Variants in PPFIA2 observed in about 807,000 individuals in gnomAD.
PPFIA2 encodes PPFI scaffold protein A2, also known as liprin-alpha-2.
A neutral mutation model predicts 175.5 loss-of-function variants in PPFIA2; 46 were observed. That is an observed-to-expected ratio of 0.26 (90% CI 0.21 to 0.34). The LOEUF (loss-of-function observed/expected upper bound fraction) is 0.34, where lower values mean the gene tolerates loss of function less well. Ranked by LOEUF, PPFIA2 falls within the 10% of genes least tolerant of loss-of-function variation. PPFIA2 has a pLI of 1.00. For missense variants in PPFIA2, 1,179 were observed against 1,506.1 expected (o/e 0.78, Z 3.60); for synonymous variants, 568 against 511.4 (o/e 1.11, Z -1.49).
chr12:81,707,964 T>G (rs184136351), intron 3 of PPFIA2, among the ~76,000 whole-genome samples: 1 of 143,334 alleles, frequency 7.0e-6, no homozygotes, highest in Non-Finnish European at 1.5e-5. Context: ...TAGGTGGGAA[T>G]TGAACAATGA....
At chr12:81,521,958 G>C (rs2063208543) in intron 4 of PPFIA2, among the ~76,000 whole-genome samples, 4 of 151,830 alleles carry the variant, frequency 2.6e-5, no homozygotes, top group African/African-American at 9.7e-5. Context: ...ATTAATTTTT[G>C]CAATTGTTCT....
intron 4 of PPFIA2, among the ~76,000 whole-genome samples, chr12:81,462,159 A>G (rs975266762): frequency 6.7e-6 from 1 of 150,216 alleles, no homozygotes; most frequent in African/African-American, 2.4e-5. Flanking sequence ...AACAGATATA[A>G]TATTCTTTTT....
At chr12:81,296,159 A>C (rs1239093850) in intron 23 of PPFIA2, among the ~76,000 whole-genome samples, 2 of 151,814 alleles carry the variant, frequency 1.3e-5, no homozygotes, top group East Asian at 1.9e-4. Context: ...TAAAACAAAC[A>C]AACAAAAAAA....
chr12:81,374,427 G>T (rs1196504156), intron 11 of PPFIA2, among the ~76,000 whole-genome samples: 1 of 152,030 alleles, frequency 6.6e-6, no homozygotes, highest in Non-Finnish European at 1.5e-5. Context: ...GTTTAAATAG[G>T]CAGGGGGATC....
At chr12:81,530,626 C>T (rs1050954454) in intron 4 of PPFIA2, among the ~76,000 whole-genome samples, 6 of 151,792 alleles carry the variant, frequency 4.0e-5, no homozygotes, top group Non-Finnish European at 8.8e-5. Flanking sequence ...TATTCAACTC[C>T]TGCTCAGCCA....
At position 81,504,750 on chromosome 12, in the gene PPFIA2, C is replaced by T. The variant is rs538222509; in HGVS notation, c.304-46884G>A. Among the ~76,000 whole-genome samples, 9 of 152,184 alleles carry T rather than the reference C, an allele frequency of 5.9e-5. No homozygotes were observed. In the South Asian group the frequency reaches 1.9e-3, roughly 32 times the overall value. ...CAAAGAATTGGAACCAACCCAAATG[C>T]CCATCAGTGATAGACTGGATAAAGA... On this transcript the variant is annotated intron_variant, in intron 4 of 32. Transcript: ENST00000549396.
At chr12:81,548,944 T>C (rs891986768) in intron 4 of PPFIA2, among the ~76,000 whole-genome samples, 4 of 152,170 alleles carry the variant, frequency 2.6e-5, no homozygotes, top group African/African-American at 9.6e-5. Context: ...CAACTAAATA[T>C]GCAAAGACAA....
intron 4 of PPFIA2, among the ~76,000 whole-genome samples, chr12:81,506,616 A>C (rs2061198750): frequency 6.6e-6 from 1 of 152,154 alleles, no homozygotes; most frequent in Non-Finnish European, 1.5e-5. Context: ...TTTTTCTTGA[A>C]ACTAACTTTT....
chr12:81,389,146 C>T (rs927293920), intron 8 of PPFIA2, among the ~76,000 whole-genome samples: 33 of 143,554 alleles, frequency 2.3e-4, no homozygotes, highest in Non-Finnish European at 4.5e-4. Context: ...TATATATATA[C>T]ACACACACAT....
At chr12:81,505,044 G>A (rs1231329849) in intron 4 of PPFIA2, among the ~76,000 whole-genome samples, 3 of 152,070 alleles carry the variant, frequency 2.0e-5, no homozygotes, top group Non-Finnish European at 2.9e-5. Context: ...ACCTAATGTA[G>A]ATAACGGGTT....
chr12:81,756,556 A>G (rs1013016770), intron 2 of PPFIA2, among the ~76,000 whole-genome samples: 1 of 152,064 alleles, frequency 6.6e-6, no homozygotes, highest in African/African-American at 2.4e-5. Context: ...TTAAATCTAC[A>G]CTCAAAAGAA....
At chr12:81,490,142 A>G (rs1198664989) in intron 4 of PPFIA2, among the ~76,000 whole-genome samples, 1 of 151,942 alleles carries the variant, frequency 6.6e-6, no homozygotes, top group Non-Finnish European at 1.5e-5. Flanking sequence ...TGTTGGAAAC[A>G]CACAATTCAA....
chr12:81,418,695 A>G lies in PPFIA2; in HGVS notation c.646-12792T>C, dbSNP rs1031062610. Among the ~76,000 whole-genome samples the G allele has an allele frequency of 2.6e-5, 4 of 152,044 alleles. No homozygotes were observed. In the East Asian group the frequency reaches 7.7e-4, roughly 29 times the overall value. On this transcript the variant is annotated intron_variant, in intron 7 of 32. Coordinates refer to ENST00000549396, the MANE Select transcript of PPFIA2 (RefSeq NM_003625.5). ...ATACCTGGTCTAGTGGTTCTTGTCT[A>G]TCTCTTTAAGGAAAAAAAAACTGTT...
In PPFIA2 at chr12:81,344,671, C is replaced by T. The variant is rs1369773589; in HGVS notation, c.2255G>A (p.Arg752Gln). 5.8e-6 allele frequency: 9 copies of T among 1,557,730 alleles called. No homozygotes were observed. Among genetic ancestry groups the T allele is most frequent in the Admixed American group, 3.7e-5 (2 of 54,214 alleles). Residue 752 changes from arginine (R) to glutamine (Q), a missense_variant, in exon 19 of 33, where the codon CGG (arginine) becomes CAG (glutamine). Physicochemically the swap from Arg to Gln is conservative, Grantham distance 43. This residue lies in a region of PPFIA2 where 223 missense variants were observed against 241.6 expected (regional missense o/e 0.92). Transcript: ENST00000549396. ...AAAAGTTATTTACTGTACCTTTCTC[C>T]GATGTTTCCTCAGATCACTTGGCTG... ...MTLPSDLRKHRRKIAVVEEDG... is the reference protein window; with the variant it reads ...MTLPSDLRKHQRKIAVVEEDG...
At chr12:81,350,703 A>G (rs1051663091) in intron 17 of PPFIA2, among the ~76,000 whole-genome samples, 1 of 152,196 alleles carries the variant, frequency 6.6e-6, no homozygotes, top group African/African-American at 2.4e-5. Context: ...GGGGGATTAC[A>G]TAAACACATT....
At chr12:81,518,510 A>G (rs1182153372) in intron 4 of PPFIA2, among the ~76,000 whole-genome samples, 1 of 152,160 alleles carries the variant, frequency 6.6e-6, no homozygotes, top group African/African-American at 2.4e-5. Context: ...TATTCATCTT[A>G]GATAGTACAA....
intron 7 of PPFIA2, among the ~76,000 whole-genome samples, chr12:81,435,586 G>A (rs2048833643): frequency 6.6e-6 from 1 of 151,956 alleles, no homozygotes; most frequent in Non-Finnish European, 1.5e-5. Flanking sequence ...GAGAGAAAGA[G>A]AGAGAGAGAG....
chr12:81,581,097 C>A (rs893275802), intron 4 of PPFIA2, among the ~76,000 whole-genome samples: 2 of 149,100 alleles, frequency 1.3e-5, no homozygotes. Flanking sequence ...GAAAGGATGG[C>A]ACAGAAAGAA....
intron 28 of PPFIA2, among the ~76,000 whole-genome samples, chr12:81,275,853 C>T (rs900614262): frequency 1.3e-5 from 2 of 150,700 alleles, no homozygotes; most frequent in African/African-American, 4.9e-5. Context: ...GGGGCAATCT[C>T]GGCTCACTGC....
Sources: allele counts gnomAD v4.1 joint callset (sites outside exome capture counted in the v4.1 genomes callset), GRCh38; gene constraint gnomAD v4.1.1; regional missense constraint gnomAD v4.1.1; transcripts MANE v1.5; gene names NCBI Gene and HGNC (gene_info 2026-07-23, HGNC 2026-07-21).